ACOXL: variants seen among roughly 807,000 people sequenced by gnomAD.
ACOXL encodes acyl-coenzyme A oxidase-like protein.
ACOXL carries 70 observed loss-of-function variants against 71.9 expected under a neutral mutation model. The observed-to-expected ratio is 0.97, with a 90% CI of 0.80 to 1.19. The LOEUF (loss-of-function observed/expected upper bound fraction) is 1.19, where lower values mean the gene tolerates loss of function less well. Among genes scored for constraint, ACOXL ranks in the 50% most tolerant of loss-of-function variants. ACOXL has a pLI of 0.00. For missense variants in ACOXL, 703 were observed against 736.3 expected (o/e 0.95, Z 0.52); for synonymous variants, 253 against 281.6 (o/e 0.90, Z 1.02).
intron 6 of ACOXL, 128 bp from the exon 7 acceptor site, chr2:110,798,886 G>A: frequency 1.7e-6 from 2 of 1,150,880 alleles, no homozygotes; most frequent in Non-Finnish European, 2.6e-6. Context: ...GACATTATAT[G>A]CTCTCATGCT....
At chr2:110,749,213 T>A (rs773603649) in intron 1 of ACOXL, among the ~76,000 whole-genome samples, 31 of 152,368 alleles carry the variant, frequency 2.0e-4, no homozygotes, top group Middle Eastern at 6.8e-3. Context: ...AGACTGTTTT[T>A]AAAAATGTTT....
chr2:110,795,486 C>T (rs1470108247), intron 5 of ACOXL: 2 of 152,274 alleles, frequency 1.3e-5, no homozygotes, highest in African/African-American at 4.8e-5. Context: ...GTCCTTTTAA[C>T]TAAGCATGGC....
intron 14 of ACOXL, among the ~76,000 whole-genome samples, chr2:111,020,264 C>T (rs1453494669): frequency 4.6e-5 from 7 of 152,208 alleles, no homozygotes; most frequent in South Asian, 2.1e-4. Flanking sequence ...CCAGGCTCCC[C>T]GTGCTGTGCT....
intron 17 of ACOXL, among the ~76,000 whole-genome samples, chr2:111,114,478 G>T (rs1428800207): frequency 2.0e-5 from 3 of 152,190 alleles, no homozygotes; most frequent in African/African-American, 7.2e-5. Flanking sequence ...GTAGCCAGAC[G>T]AAAGGGGCTA....
At position 111,049,211 on chromosome 2, in the gene ACOXL, C is replaced by G; in HGVS notation, c.1370-7C>G. On this transcript the variant is annotated splice_region_variant and splice_polypyrimidine_tract_variant and intron_variant, in intron 15 of 17. Coordinates refer to ENST00000439055, the MANE Select transcript of ACOXL (RefSeq NM_001142807.4). ...GTCATTCACAATTTCCATTTCTTCC[C>G]TTCCAGTTACCTTAGAGCAGTTCTC... 6.2e-7 allele frequency: 1 copy of G among 1,606,482 alleles called. No individual in the cohort carries two copies. Among genetic ancestry groups the G allele is most frequent in the Admixed American group, 1.7e-5 (1 of 59,986 alleles).
intron 12 of ACOXL, among the ~76,000 whole-genome samples, chr2:110,935,220 C>G (rs2060618088): frequency 1.3e-5 from 2 of 152,114 alleles, no homozygotes; most frequent in Admixed American, 6.5e-5. Context: ...GGTGACTCAG[C>G]CTGAGGGCTT....
chr2:110,820,923 A>C (rs1688520773), intron 9 of ACOXL, among the ~76,000 whole-genome samples: 1 of 152,084 alleles, frequency 6.6e-6, no homozygotes, highest in Admixed American at 6.5e-5. Context: ...TGGGATTGGG[A>C]ATATGTCCTC....
intron 11 of ACOXL, among the ~76,000 whole-genome samples, chr2:110,928,327 A>G (rs2060354955): frequency 1.3e-5 from 2 of 152,222 alleles, no homozygotes; most frequent in Admixed American, 1.3e-4. Flanking sequence ...TTTTTGATTG[A>G]TGTTACAACA....
intron 17 of ACOXL, among the ~76,000 whole-genome samples, chr2:111,097,984 A>T (rs1028362722): frequency 2.6e-5 from 4 of 152,204 alleles, no homozygotes; most frequent in African/African-American, 9.7e-5. Flanking sequence ...GGAAGAGAGA[A>T]ATACTTATTT....
chr2:110,787,554 A>G (rs915376730), intron 3 of ACOXL, among the ~76,000 whole-genome samples: 3 of 150,550 alleles, frequency 2.0e-5, no homozygotes, highest in Admixed American at 6.6e-5. Flanking sequence ...AAAAAAAAAG[A>G]AAAAGAAAAA....
At chr2:110,826,978 A>G (rs1281812257) in intron 9 of ACOXL, among the ~76,000 whole-genome samples, 2 of 152,192 alleles carry the variant, frequency 1.3e-5, no homozygotes, top group African/African-American at 2.4e-5. Context: ...TGGTGGCACC[A>G]GAACATGGGC....
At chr2:111,073,851 A>C (rs1374358761) in intron 16 of ACOXL, among the ~76,000 whole-genome samples, 2 of 152,210 alleles carry the variant, frequency 1.3e-5, no homozygotes, top group Admixed American at 6.5e-5. Context: ...GTTTGGGAAG[A>C]ATTAACAAAT....
chr2:110,812,546 A>G (rs1241745155), intron 9 of ACOXL, among the ~76,000 whole-genome samples: 2 of 152,168 alleles, frequency 1.3e-5, no homozygotes, highest in African/African-American at 4.8e-5. Context: ...CTCCCACTAT[A>G]GGTGAGAACA....
intron 16 of ACOXL, among the ~76,000 whole-genome samples, chr2:111,064,955 T>TGTATAATAATAAAATTATAATAAA (rs2066993442): frequency 6.6e-6 from 1 of 152,244 alleles, no homozygotes; most frequent in African/African-American, 2.4e-5. Context: ...AGGTTTAACC[T>TGTATAATAATAAAATTATAATAAA]AATTTTTATC....
At chr2:110,807,043 G>A (rs1686737004) in intron 9 of ACOXL, among the ~76,000 whole-genome samples, 1 of 152,234 alleles carries the variant, frequency 6.6e-6, no homozygotes, top group Admixed American at 6.5e-5. Flanking sequence ...TCTACTGGAT[G>A]TTATCATGGA....
At chr2:111,062,333 T>C (rs1046901834) in intron 16 of ACOXL, among the ~76,000 whole-genome samples, 17 of 151,736 alleles carry the variant, frequency 1.1e-4, no homozygotes, top group African/African-American at 2.2e-4. Flanking sequence ...TGAAAACTGA[T>C]AGAACTAAAA....
chr2:110,829,149 T>A (rs1431401034), intron 9 of ACOXL, among the ~76,000 whole-genome samples: 1 of 152,198 alleles, frequency 6.6e-6, no homozygotes, highest in African/African-American at 2.4e-5. Flanking sequence ...GGGCTTTGGA[T>A]GATGTTGAGT....
chr2:111,051,823 A>G (rs71431135), intron 16 of ACOXL, among the ~76,000 whole-genome samples: 14,384 of 152,218 alleles, frequency 0.094, 772 homozygotes, highest in Non-Finnish European at 0.11. Flanking sequence ...AAACATTCCA[A>G]TGTTGCATTC....
At chr2:111,077,525 C>T (rs894172025) in intron 16 of ACOXL, among the ~76,000 whole-genome samples, 2 of 152,194 alleles carry the variant, frequency 1.3e-5, no homozygotes, top group African/African-American at 2.4e-5. Flanking sequence ...GCTCTTCCTT[C>T]GTTCCTGATT....
Sources: gnomAD v4.1 joint callset for allele counts (sites outside exome capture counted in the v4.1 genomes callset) on GRCh38, gnomAD v4.1.1 for gene constraint, MANE v1.5 for transcripts, NCBI Gene and HGNC (gene_info 2026-07-23, HGNC 2026-07-21) for gene names.